CNTNAP5: variants seen among roughly 807,000 people sequenced by gnomAD.
The protein encoded by CNTNAP5 is contactin associated protein family member 5, also known as contactin-associated protein-like 5.
Under a neutral mutation model 150.2 loss-of-function variants are expected in CNTNAP5, and 72 were observed. The observed-to-expected ratio is 0.48, with a 90% confidence interval of 0.40 to 0.58. The LOEUF (loss-of-function observed/expected upper bound fraction) is 0.58. Among genes scored for constraint, CNTNAP5 ranks in the 20% least tolerant of loss-of-function variants. CNTNAP5 has a pLI of 0.00. For synonymous variants in CNTNAP5, 672 were observed against 619.8 expected (o/e 1.08, Z -1.25); for missense variants, 1,636 against 1,626.2 (o/e 1.01, Z -0.10).
In CNTNAP5 at chr2:124,920,659, G is replaced by A. The variant is rs1678854287; in HGVS notation, c.*6371G>A. Among the ~76,000 whole-genome samples, 1 of 152,030 alleles carries A rather than the reference G, an allele frequency of 6.6e-6. No individual in the cohort carries two copies. Among genetic ancestry groups the A allele is most frequent in the Non-Finnish European group, 1.5e-5 (1 of 67,998 alleles). On this transcript the variant is annotated 3_prime_UTR_variant, in exon 24 of 24. Transcript: ENST00000682447. ...ACATTTTCCTTAGTCACTAGCCTAG[G>A]GCAGAAAGGCAGCCATGTATAAATG...
chr2:124,172,078 A>G (rs1684947198), intron 1 of CNTNAP5, among the ~76,000 whole-genome samples: 1 of 152,172 alleles, frequency 6.6e-6, no homozygotes, highest in Non-Finnish European at 1.5e-5. Context: ...CATATCCCTC[A>G]TGCCTATATT....
intron 3 of CNTNAP5, among the ~76,000 whole-genome samples, chr2:124,382,241 A>G (rs554000901): frequency 4.3e-4 from 66 of 152,190 alleles, no homozygotes; most frequent in African/African-American, 1.5e-3. Flanking sequence ...GAAAGAAGGT[A>G]GTCTATGCGC....
At chr2:124,385,894 T>TTTTG (rs370713545) in intron 3 of CNTNAP5, among the ~76,000 whole-genome samples, 2 of 152,278 alleles carry the variant, frequency 1.3e-5, no homozygotes, top group East Asian at 1.9e-4. Context: ...TTCATTCTTT[T>TTTTG]TTTGTTTGTT....
chr2:124,046,764 T>TA (rs1437471123), intron 1 of CNTNAP5, among the ~76,000 whole-genome samples: 2 of 152,154 alleles, frequency 1.3e-5, no homozygotes, highest in African/African-American at 4.8e-5. Flanking sequence ...ACATAGGGAT[T>TA]AAAAAATGGT....
chr2:124,078,502 A>T (rs1241908150), intron 1 of CNTNAP5, among the ~76,000 whole-genome samples: 1 of 152,182 alleles, frequency 6.6e-6, no homozygotes, highest in Non-Finnish European at 1.5e-5. Context: ...GTGGTATGAT[A>T]TTAGCTCTTA....
intron 4 of CNTNAP5, among the ~76,000 whole-genome samples, chr2:124,425,662 T>C (rs1692222107): frequency 1.4e-5 from 2 of 140,176 alleles, no homozygotes; most frequent in Admixed American, 7.3e-5. Context: ...TATTTATAGC[T>C]CCCCTTTTCA....
intron 14 of CNTNAP5, among the ~76,000 whole-genome samples, chr2:124,751,649 T>C (rs1680730259): frequency 6.6e-6 from 1 of 152,248 alleles, no homozygotes; most frequent in South Asian, 2.1e-4. Flanking sequence ...CCACCACACC[T>C]CTTTTTATAT....
At chr2:124,604,969 G>C (rs940190412) in intron 11 of CNTNAP5, among the ~76,000 whole-genome samples, 6 of 152,050 alleles carry the variant, frequency 3.9e-5, no homozygotes, top group African/African-American at 1.4e-4. Flanking sequence ...TTAGCTTCTT[G>C]GGATTTTTTT....
rs185206507 is a variant in CNTNAP5, at chr2:124,372,522, T to C, written c.382-44921T>C. 3.3e-3 allele frequency among the ~76,000 whole-genome samples: 503 copies of C among 152,222 alleles called. 1 individual carries two copies. The highest frequency in any genetic ancestry group is 0.011 in the African/African-American group (454 of 41,544). ...TGAAGGTATATAATTGTTTCCTAAT[T>C]CACAAGACCTAGGAACCAACTTGCC... On this transcript the variant is annotated intron_variant, in intron 3 of 23. Transcript: ENST00000682447.
intron 16 of CNTNAP5, among the ~76,000 whole-genome samples, chr2:124,768,307 G>A (rs7601837): frequency 0.64 from 92,831 of 144,612 alleles, 31,091 homozygotes; most frequent in East Asian, 0.96. Context: ...GTGTGTGTGT[G>A]TGTATATGTA....
chr2:124,785,075 GA>G (rs1221251900), intron 17 of CNTNAP5, among the ~76,000 whole-genome samples: 1 of 139,370 alleles, frequency 7.2e-6, no homozygotes, highest in African/African-American at 2.6e-5. Context: ...AAAAGAAAAA[GA>G]AAAAAAACCC....
chr2:124,791,347 C>T (rs1038260231), intron 18 of CNTNAP5, among the ~76,000 whole-genome samples: 12 of 152,156 alleles, frequency 7.9e-5, no homozygotes, highest in African/African-American at 2.2e-4. Flanking sequence ...TAAAAATTTT[C>T]GGGCTAACCG....
chr2:124,027,741 C>T (rs1680936400), intron 1 of CNTNAP5, among the ~76,000 whole-genome samples: 1 of 152,178 alleles, frequency 6.6e-6, no homozygotes, highest in African/African-American at 2.4e-5. Flanking sequence ...TTCCAATCAA[C>T]ATTTTAATTG....
intron 1 of CNTNAP5, among the ~76,000 whole-genome samples, chr2:124,085,282 T>G (rs919266786): frequency 6.6e-6 from 1 of 152,148 alleles, no homozygotes; most frequent in African/African-American, 2.4e-5. Context: ...TTGGTTGTGA[T>G]ATTTTGTATT....
chr2:124,476,507 A>C (rs774355291), intron 7 of CNTNAP5, among the ~76,000 whole-genome samples: 7 of 151,764 alleles, frequency 4.6e-5, no homozygotes, highest in Admixed American at 1.3e-4. Context: ...CTGACTCACC[A>C]CTAAACCATC....
At position 124,919,104 on chromosome 2, in the gene CNTNAP5, C is replaced by T. The variant is rs1049432258; in HGVS notation, c.*4816C>T. On this transcript the variant is annotated 3_prime_UTR_variant, in exon 24 of 24. Coordinates refer to ENST00000682447, the MANE Select transcript of CNTNAP5 (RefSeq NM_001367498.1). ...TTCACAAATTCCAAATTTGAACCACCTAAAGGGGAAAAAATGCAACACACA... is the reference window on the plus strand; with the variant it reads ...TTCACAAATTCCAAATTTGAACCACTTAAAGGGGAAAAAATGCAACACACA... 6.6e-6 allele frequency among the ~76,000 whole-genome samples: 1 copy of T among 151,946 alleles called. No individual in the cohort carries two copies. The highest frequency in any genetic ancestry group is 2.4e-5 in the African/African-American group (1 of 41,396).
intron 1 of CNTNAP5, among the ~76,000 whole-genome samples, chr2:124,028,505 A>C (rs144115859): frequency 6.6e-6 from 1 of 152,146 alleles, no homozygotes; most frequent in Non-Finnish European, 1.5e-5. Context: ...CAGAGAACAT[A>C]ATTACTTACC....
intron 1 of CNTNAP5, among the ~76,000 whole-genome samples, chr2:124,217,327 T>G (rs1686184332): frequency 6.6e-6 from 1 of 152,202 alleles, no homozygotes; most frequent in African/African-American, 2.4e-5. Flanking sequence ...CATACACTTT[T>G]GGAGGAACAG....
chr2:124,477,644 C>T (rs1693671307), intron 7 of CNTNAP5, among the ~76,000 whole-genome samples: 1 of 145,680 alleles, frequency 6.9e-6, no homozygotes, highest in Non-Finnish European at 1.5e-5. Flanking sequence ...TAAACACTGG[C>T]TTGCTCATGA....
Sources: allele counts gnomAD v4.1 joint callset (sites outside exome capture counted in the v4.1 genomes callset), GRCh38; gene constraint gnomAD v4.1.1; transcripts MANE v1.5; gene names NCBI Gene and HGNC (gene_info 2026-07-23, HGNC 2026-07-21).